Variants in TYRP1 observed in about 807,000 individuals in gnomAD.
TYRP1 encodes the protein tyrosinase related protein 1, also known as 5,6-dihydroxyindole-2-carboxylic acid oxidase.
TYRP1 carries 49 observed loss-of-function variants against 42.8 expected under a neutral mutation model. The ratio of observed to expected loss-of-function variants is 1.14; its 90% CI spans 0.91 to 1.45. The LOEUF is 1.45. TYRP1 is among the 40% of genes most tolerant of loss of function. TYRP1 has a pLI of 0.00. For missense variants in TYRP1, 848 were observed against 662.0 expected (o/e 1.28, Z -3.08); for synonymous variants, 279 against 235.4 (o/e 1.19, Z -1.69).
chr9:12,705,074 T>C, intron 6 of TYRP1, among the ~76,000 whole-genome samples: 1 of 152,066 alleles, frequency 6.6e-6, no homozygotes, highest in Admixed American at 6.6e-5. Flanking sequence ...TCTTCTTTGA[T>C]ATCCCAAAAG....
intron 4 of TYRP1, chr9:12,700,417 G>A (rs75142773): frequency 2.0e-3 from 299 of 152,170 alleles, no homozygotes; most frequent in African/African-American, 6.8e-3. Context: ...TTTTATTGCA[G>A]CTAACGTTCT....
chr9:12,702,815 G>C (rs1294796532), intron 5 of TYRP1, among the ~76,000 whole-genome samples: 1 of 151,540 alleles, frequency 6.6e-6, no homozygotes, highest in African/African-American at 2.4e-5. Flanking sequence ...TTTTTAAATA[G>C]AGTAATAAAA....
Position 12,701,437 on chromosome 9 carries a change from GT to G in TYRP1, c.914-825del, listed in dbSNP as rs1010196132. ...CTGTGCCAAGTCTGTGGGATACAAA[GT>G]TTTTTTTTGTTACAGATAGGGGGTG... On this transcript the variant is annotated intron_variant, in intron 4 of 7. Transcript: ENST00000388918. 4.6e-5 allele frequency among the ~76,000 whole-genome samples: 7 copies of G among 151,396 alleles called. No homozygotes were observed. The South Asian group carries it at 6.3e-4, about 14-fold the overall frequency.
In TYRP1 at chr9:12,708,052, C is replaced by T. The variant is rs1442842615; in HGVS notation, c.1317C>T (p.Asn439=). The stretch of plus-strand genomic sequence containing the variant: ...CTATTGGACATAATAGACAATACAA[C>T]ATGGTGCCATTCTGGCCCCCAGTCA... ...NAPIGHNRQY[N]MVPFWPPVTN... Residue 439 remains asparagine, a synonymous_variant, in exon 7 of 8, where the codon AAC becomes AAT. Coordinates refer to ENST00000388918, the MANE Select transcript of TYRP1 (RefSeq NM_000550.3). 1.2e-6 allele frequency: 2 copies of T among 1,612,664 alleles called. No individual in the cohort carries two copies. The highest frequency in any genetic ancestry group is 3.3e-5 in the Admixed American group (2 of 59,784).
At chr9:12,707,198 G>GTT (rs1345768243) in intron 6 of TYRP1, among the ~76,000 whole-genome samples, 1 of 151,978 alleles carries the variant, frequency 6.6e-6, no homozygotes, top group Non-Finnish European at 1.5e-5. Context: ...AGAAGAAGCA[G>GTT]TTTATACGTT....
rs142323339 is a variant in TYRP1, at chr9:12,709,750, T to C, written c.*568T>C. 20 of 155,200 alleles carry C rather than the reference T, an allele frequency of 1.3e-4. No individual in the cohort carries two copies. The highest frequency in any genetic ancestry group is 3.2e-4 in the Admixed American group (5 of 15,810). The allele number at this position is 155,200 out of a possible 1,614,324, so 9.6% of individuals were successfully genotyped here. A position where few individuals can be genotyped will look rare whatever the true frequency, so the allele number is the denominator to read the frequency against. ...TCAAATATATTATTTAGTCAACATA[T>C]ACTATTTAGTCTCAGGTTCAAGGCT... On this transcript the variant is annotated 3_prime_UTR_variant, in exon 8 of 8. Transcript: ENST00000388918.
rs1818067357 is a variant in TYRP1 at position 12,695,650 on chromosome 9, G to A, written c.521G>A (p.Gly174Asp). The A allele has an allele frequency of 3.1e-6, 5 of 1,614,152 alleles. No individual in the cohort carries two copies. The highest frequency in any genetic ancestry group is 3.4e-6 in the Non-Finnish European group (4 of 1,180,024). Residue 174 changes from glycine to aspartate, a missense_variant, in exon 3 of 8, where the codon GGC becomes GAC. Coordinates refer to ENST00000388918, the MANE Select transcript of TYRP1 (RefSeq NM_000550.3). ...TCAGAAGAAATACTGGGGCCAGATG[G>A]CAACACGCCACAATTTGAGAACATT... The part of the protein sequence containing the change: ...RRSEEILGPD[G>D]NTPQFENISI...
In TYRP1 at chr9:12,709,248, T is replaced by TATTA; in HGVS notation, c.*68_*71dup. 7.0e-7 allele frequency: 1 copy of TATTA among 1,434,068 alleles called. No homozygotes were observed. The highest frequency in any genetic ancestry group is 9.8e-7 in the Non-Finnish European group (1 of 1,020,118). The allele number at this position is 1,434,068 out of a possible 1,614,324, so 88.8% of individuals were successfully genotyped here. ...CCTGGTTGAATATAATAGATTGAGT[T>TATTA]ATTAACTGTATTTTCTTTCACTTTA... On this transcript the variant is annotated 3_prime_UTR_variant, in exon 8 of 8. Coordinates refer to ENST00000388918, the MANE Select transcript of TYRP1 (RefSeq NM_000550.3).
intron 6 of TYRP1, among the ~76,000 whole-genome samples, chr9:12,705,017 T>A (rs1396748995): frequency 6.6e-6 from 1 of 152,034 alleles, no homozygotes; most frequent in Non-Finnish European, 1.5e-5. Flanking sequence ...TCTTCCAACA[T>A]AAATTCTCAT....
chr9:12,702,905 C>A (rs1818195962), intron 5 of TYRP1, among the ~76,000 whole-genome samples: 1 of 151,862 alleles, frequency 6.6e-6, no homozygotes, highest in Non-Finnish European at 1.5e-5. Context: ...TAACCTGTAA[C>A]TTTTTTCAAA....
Position 12,693,946 on chromosome 9 carries a change from C to T in TYRP1, c.-51C>T, listed in dbSNP as rs1818033564. ...CCTCTACGTGCTTCAGTCTTCTCTA[C>T]ACAAAGAGCTGCAAACCAGGTCTTT... is the stretch of plus-strand genomic sequence containing the variant. On this transcript the variant is annotated 5_prime_UTR_variant, in exon 2 of 8. Coordinates refer to ENST00000388918, the MANE Select transcript of TYRP1 (RefSeq NM_000550.3). The T allele has an allele frequency of 6.2e-7, 1 of 1,610,222 alleles. No individual in the cohort carries two copies. Among genetic ancestry groups the T allele is most frequent in the African/African-American group, 1.3e-5 (1 of 74,834 alleles).
At chr9:12,696,865 A>G (rs548370373) in intron 3 of TYRP1, among the ~76,000 whole-genome samples, 2 of 152,346 alleles carry the variant, frequency 1.3e-5, no homozygotes, top group South Asian at 4.1e-4. Context: ...TATAAAAATT[A>G]AGCTAAAAAT....
chr9:12,708,939 A>ATAT, intron 7 of TYRP1, 38 bp from the exon 8 acceptor site: 1 of 1,545,532 alleles, frequency 6.5e-7, no homozygotes, highest in South Asian at 1.1e-5. Context: ...AACTATTTTA[A>ATAT]TATTTGTCTT....
Position 12,695,565 on chromosome 9 carries a change from C to A in TYRP1, c.436C>A (p.Arg146=), listed in dbSNP as rs201293896. Residue 146 remains arginine, a synonymous_variant, in exon 3 of 8, where the codon CGG becomes AGG. Coordinates refer to ENST00000388918, the MANE Select transcript of TYRP1 (RefSeq NM_000550.3). ...LSKEEKNHFV[R]ALDMAKRTTH... ...TAAAGAAGAAAAGAACCACTTTGTC[C>A]GGGCCCTGGATATGGCAAAGCGCAC... is the stretch of plus-strand genomic sequence containing the variant. 9 of 1,614,026 alleles carry A rather than the reference C, an allele frequency of 5.6e-6. No homozygotes were observed. The South Asian group carries it at 7.7e-5, about 14-fold the overall frequency.
In TYRP1 at chr9:12,695,573, G is replaced by A; in HGVS notation, c.444G>A (p.Leu148=). 2.5e-6 allele frequency: 4 copies of A among 1,614,142 alleles called. No homozygotes were observed. The highest frequency in any genetic ancestry group is 1.1e-5 in the South Asian group (1 of 91,078). ...AAAAGAACCACTTTGTCCGGGCCCTGGATATGGCAAAGCGCACAACTCACC... is the reference window on the plus strand; with the variant it reads ...AAAAGAACCACTTTGTCCGGGCCCTAGATATGGCAAAGCGCACAACTCACC... The part of the protein sequence containing the change: ...KEEKNHFVRA[L]DMAKRTTHPL... The change falls in exon 3 of 8, where the codon CTG becomes CTA. Residue 148 remains leucine (L), a synonymous_variant. Coordinates refer to ENST00000388918, the MANE Select transcript of TYRP1 (RefSeq NM_000550.3).
rs190932566 is a variant in TYRP1, at chr9:12,707,232, T to C, written c.1262-765T>C. The stretch of plus-strand genomic sequence containing the variant: ...TTTCCAAGAGTGATCACTACTTTAC[T>C]TTTTGAGCTGTGAGAGAAATGAAGT... On this transcript the variant is annotated intron_variant, in intron 6 of 7. Coordinates refer to ENST00000388918, the MANE Select transcript of TYRP1 (RefSeq NM_000550.3). Among the ~76,000 whole-genome samples the C allele has an allele frequency of 5.3e-5, 8 of 152,124 alleles. No homozygotes were observed. In the East Asian group the frequency reaches 1.4e-3, roughly 26 times the overall value.
Position 12,698,571 on chromosome 9 carries a change from A to G in TYRP1, c.829A>G (p.Ile277Val), listed in dbSNP as rs762386039. The change falls in exon 4 of 8, where the codon ATA (isoleucine) becomes GTA (valine). Residue 277 changes from isoleucine to valine, a missense_variant. Physicochemically the swap from Ile to Val is conservative, Grantham distance 29 (BLOSUM62 3). Transcript: ENST00000388918. ...CAGAAGCAACTTTGATTCCACTCTAATAAGCCCAAACTCTGTCTTTTCTCA... is the reference window on the plus strand; with the variant it reads ...CAGAAGCAACTTTGATTCCACTCTAGTAAGCCCAAACTCTGTCTTTTCTCA... Reference protein sequence around the residue: ...GSRSNFDSTLISPNSVFSQWR... With the variant: ...GSRSNFDSTLVSPNSVFSQWR... 1 of 1,613,880 alleles carries G rather than the reference A, an allele frequency of 6.2e-7. No homozygotes were observed. Among genetic ancestry groups the G allele is most frequent in the East Asian group, 2.2e-5 (1 of 44,852 alleles).
rs1014907756 is a variant in TYRP1, at chr9:12,705,633, G to A, written c.1261+928G>A. Among the ~76,000 whole-genome samples the A allele has an allele frequency of 5.9e-5, 9 of 152,068 alleles. No homozygotes were observed. The East Asian group carries it at 1.8e-3, about 30-fold the overall frequency. ...AAGCCGAGATGTGGGGATCACTTGA[G>A]CCCAAGAGTTTGAGACCAGCCTGGT... is the stretch of plus-strand genomic sequence containing the variant. On this transcript the variant is annotated intron_variant, in intron 6 of 7. Transcript: ENST00000388918.
Position 12,707,816 on chromosome 9 carries a change from A to G in TYRP1, c.1262-181A>G. 3 of 615,460 alleles carry G rather than the reference A, an allele frequency of 4.9e-6. 1 individual carries two copies. The South Asian group carries it at 6.9e-5, about 14-fold the overall frequency. The allele number at this position is 615,460 out of a possible 1,614,324, so 38.1% of individuals were successfully genotyped here. A position where few individuals can be genotyped will look rare whatever the true frequency, so the allele number is the denominator to read the frequency against. The stretch of plus-strand genomic sequence containing the variant: ...GGTATATTGGTACTGTATTCAAAGC[A>G]TTTTCTGTTTTATGTAATTTCTCAT... On this transcript the variant is annotated intron_variant, in intron 6 of 7. Transcript: ENST00000388918.
Sources: allele counts gnomAD v4.1 joint callset (sites outside exome capture counted in the v4.1 genomes callset), GRCh38; gene constraint gnomAD v4.1.1; transcripts MANE v1.5; gene names NCBI Gene and HGNC (gene_info 2026-07-23, HGNC 2026-07-21).